The following GUCY1A1 variants were observed in gnomAD, a reference collection of about 807,000 sequenced individuals.
The protein encoded by GUCY1A1 is guanylate cyclase soluble subunit alpha-1.
A neutral mutation model predicts 64.5 loss-of-function variants in GUCY1A1; 48 were observed. The observed-to-expected ratio is 0.74, with a 90% CI of 0.59 to 0.95. The LOEUF (loss-of-function observed/expected upper bound fraction) is 0.95, where lower values mean the gene tolerates loss of function less well. Among genes scored for constraint, GUCY1A1 ranks in the 40% least tolerant of loss-of-function variants. GUCY1A1 has a pLI of 0.00. For missense variants in GUCY1A1, 804 were observed against 825.3 expected, an observed-to-expected ratio of 0.97 and a Z score of 0.32; for synonymous variants, 308 against 303.4, an observed-to-expected ratio of 1.02 and a Z score of -0.16.
chr4:155,717,337 C>G (rs1733387211), intron 8 of GUCY1A1, 35 bp downstream of exon 8: 3 of 1,476,998 alleles, frequency 2.0e-6, no homozygotes, highest in Admixed American at 2.1e-5. Flanking sequence ...AAAGATGTCA[C>G]AAGAGCAAAT....
chr4:155,694,390 GA>G (rs539102277), intron 2 of GUCY1A1, among the ~76,000 whole-genome samples: 5 of 151,920 alleles, frequency 3.3e-5, no homozygotes, highest in African/African-American at 1.2e-4. Flanking sequence ...TAATAATAAT[GA>G]AAAAAACTCT....
intron 9 of GUCY1A1, among the ~76,000 whole-genome samples, chr4:155,723,188 A>G (rs1284581606): frequency 6.6e-6 from 1 of 152,142 alleles, no homozygotes; most frequent in Non-Finnish European, 1.5e-5. Context: ...CCTCCCTGCA[A>G]TCAAGGACAA....
intron 9 of GUCY1A1, chr4:155,722,406 A>G: frequency 1.4e-6 from 2 of 1,383,396 alleles, no homozygotes; most frequent in Admixed American, 3.2e-5. Context: ...TGGCCCAGCC[A>G]TAAATCCATG....
chr4:155,703,824 A>G, intron 3 of GUCY1A1, 108 bp from the exon 4 acceptor site: 1 of 702,890 alleles, frequency 1.4e-6, no homozygotes, highest in Non-Finnish European at 2.5e-6. Context: ...CAATTGTATA[A>G]TGTGCTTTAT....
intron 9 of GUCY1A1, among the ~76,000 whole-genome samples, chr4:155,725,117 T>A (rs1734486584): frequency 1.3e-5 from 2 of 152,096 alleles, no homozygotes; most frequent in Admixed American, 1.3e-4. Flanking sequence ...CACACCTGTA[T>A]CTGAAATTGT....
intron 6 of GUCY1A1, 73 bp from the exon 7 acceptor site, chr4:155,713,025 C>G: frequency 7.7e-7 from 1 of 1,290,576 alleles, no homozygotes; most frequent in Non-Finnish European, 1.1e-6. Context: ...ACTGTATCTA[C>G]TTCCCCTTCT....
Position 155,717,309 on chromosome 4 carries a change from C to A in GUCY1A1, c.1716+7C>A. On this transcript the variant is annotated splice_region_variant and intron_variant, in intron 8 of 9. Coordinates refer to ENST00000506455, the MANE Select transcript of GUCY1A1 (RefSeq NM_001130682.3). The stretch of plus-strand genomic sequence containing the variant: ...CCATGGAGAACCTATCAAGGTAAGG[C>A]AGATGATATATTGTCCAAAAGATGT... 1 of 1,553,238 alleles carries A rather than the reference C, an allele frequency of 6.4e-7. No individual in the cohort carries two copies. The highest frequency in any genetic ancestry group is 1.4e-5 in the African/African-American group (1 of 72,976).
chr4:155,677,715 G>C (rs1486609464), intron 2 of GUCY1A1, among the ~76,000 whole-genome samples: 1 of 152,038 alleles, frequency 6.6e-6, no homozygotes, highest in Non-Finnish European at 1.5e-5. Context: ...AGCCGGGCAT[G>C]GTGGTGGGTG....
chr4:155,667,638 C>A (rs1343073857), intron 2 of GUCY1A1: 2 of 151,916 alleles, frequency 1.3e-5, no homozygotes, highest in African/African-American at 2.4e-5. Context: ...CCCGGGGGAC[C>A]CGCGGCGCCC....
rs139001479 is a variant in GUCY1A1, at chr4:155,692,909, A to G, written c.-112-3847A>G. ...CCCCATCTCTACTAAAAATACAAAAATTAGCTGGGCATGGTGGCTGCCACC... is the reference window on the plus strand; with the variant it reads ...CCCCATCTCTACTAAAAATACAAAAGTTAGCTGGGCATGGTGGCTGCCACC... On this transcript the variant is annotated intron_variant, in intron 2 of 9. Coordinates refer to ENST00000506455, the MANE Select transcript of GUCY1A1 (RefSeq NM_001130682.3). 9.1e-3 allele frequency among the ~76,000 whole-genome samples: 1,379 copies of G among 152,036 alleles called. 18 individuals are homozygous for G. The highest frequency in any genetic ancestry group is 0.031 in the African/African-American group (1,290 of 41,446).
In GUCY1A1 at chr4:155,717,236, G is replaced by T. The variant is rs62636599; in HGVS notation, c.1650G>T (p.Ala550=). The change falls in exon 8 of 10, where the codon GCG becomes GCT. Residue 550 remains alanine, a synonymous_variant. Coordinates refer to ENST00000506455, the MANE Select transcript of GUCY1A1 (RefSeq NM_001130682.3). Reference sequence around the variant, plus strand: ...GTGATACTCATGCTGTTCAGATAGCGCTGATGGCCCTGAAGATGATGGAGC... The same window carrying T: ...GTGATACTCATGCTGTTCAGATAGCTCTGATGGCCCTGAAGATGATGGAGC... ...KESDTHAVQI[A]LMALKMMELS... The T allele has an allele frequency of 7.5e-6, 12 of 1,599,326 alleles. No individual in the cohort carries two copies. Among genetic ancestry groups the T allele is most frequent in the Non-Finnish European group, 1.0e-5 (12 of 1,170,870 alleles).
chr4:155,685,821 A>G (rs577741931), intron 2 of GUCY1A1, among the ~76,000 whole-genome samples: 138 of 152,050 alleles, frequency 9.1e-4, no homozygotes, highest in African/African-American at 2.5e-3. Flanking sequence ...GAGAGTCACT[A>G]GTGTCTCTTA....
At chr4:155,676,469 C>G (rs1412340971) in intron 2 of GUCY1A1, among the ~76,000 whole-genome samples, 1 of 151,344 alleles carries the variant, frequency 6.6e-6, no homozygotes, top group Non-Finnish European at 1.5e-5. Context: ...GGATCTGTTT[C>G]AGCGCGTCCT....
intron 2 of GUCY1A1, among the ~76,000 whole-genome samples, chr4:155,695,568 T>C (rs1399876802): frequency 6.6e-6 from 1 of 152,202 alleles, no homozygotes; most frequent in Non-Finnish European, 1.5e-5. Flanking sequence ...TTTGGAGTTA[T>C]AGAAAACACA....
chr4:155,727,065 G>A (rs918847473), intron 9 of GUCY1A1, among the ~76,000 whole-genome samples: 11 of 152,040 alleles, frequency 7.2e-5, no homozygotes, highest in African/African-American at 2.6e-4. Flanking sequence ...GTAAGAAGAA[G>A]GAACAAAGTG....
chr4:155,697,480 A>T (rs542310640), intron 3 of GUCY1A1, among the ~76,000 whole-genome samples: 1 of 152,358 alleles, frequency 6.6e-6, no homozygotes, highest in African/African-American at 2.4e-5. Context: ...AACCATCCAT[A>T]GCTCTTGCCA....
chr4:155,674,699 C>T (rs1489948233), intron 2 of GUCY1A1, among the ~76,000 whole-genome samples: 1 of 151,526 alleles, frequency 6.6e-6, no homozygotes, highest in African/African-American at 2.5e-5. Context: ...CAATAACAAG[C>T]ATGGAACAGT....
At chr4:155,698,341 A>G (rs995609615) in intron 3 of GUCY1A1, among the ~76,000 whole-genome samples, 4 of 152,212 alleles carry the variant, frequency 2.6e-5, no homozygotes, top group Admixed American at 2.6e-4. Flanking sequence ...ATGTTTAATT[A>G]TTCTTACCAC....
Position 155,732,551 on chromosome 4 carries a change from C to T in GUCY1A1, c.*2320C>T, listed in dbSNP as rs374025712. 3.3e-5 allele frequency among the ~76,000 whole-genome samples: 5 copies of T among 151,790 alleles called. No homozygotes were observed. Among genetic ancestry groups the T allele is most frequent in the Non-Finnish European group, 5.9e-5 (4 of 67,866 alleles). On this transcript the variant is annotated 3_prime_UTR_variant, in exon 10 of 10. Coordinates refer to ENST00000506455, the MANE Select transcript of GUCY1A1 (RefSeq NM_001130682.3). ...CTATCTTATCTGCTTTGAAGCATAGCGATTAGCGAGAAACTTTTCAGATCC... is the reference window on the plus strand; with the variant it reads ...CTATCTTATCTGCTTTGAAGCATAGTGATTAGCGAGAAACTTTTCAGATCC...
Sources: gnomAD v4.1 joint callset for allele counts (sites outside exome capture counted in the v4.1 genomes callset) on GRCh38, gnomAD v4.1.1 for gene constraint, MANE v1.5 for transcripts, NCBI Gene and HGNC (gene_info 2026-07-23, HGNC 2026-07-21) for gene names.